Variants in LHPP observed in about 807,000 individuals in gnomAD.
LHPP encodes the protein hLHPP.
In LHPP, 24 loss-of-function variants were observed where a neutral mutation model predicts 30.3. That is an observed-to-expected ratio of 0.79 (90% CI 0.57 to 1.11). LHPP has a LOEUF of 1.11. LHPP is among the 50% of genes most tolerant of loss of function. LHPP has a pLI of 0.00. For missense variants in LHPP, 356 were observed against 367.2 expected (o/e 0.97, Z 0.25); for synonymous variants, 150 against 157.1 (o/e 0.95, Z 0.34).
chr10:124,470,330 GGAA>G (rs1441868401), intron 1 of LHPP, among the ~76,000 whole-genome samples: 9 of 152,268 alleles, frequency 5.9e-5, no homozygotes, highest in African/African-American at 2.2e-4. Flanking sequence ...GCCGGCGGAA[GGAA>G]GAAGACTTGG....
chr10:124,577,130 A>G (rs566495072), intron 6 of LHPP, among the ~76,000 whole-genome samples: 4 of 152,330 alleles, frequency 2.6e-5, no homozygotes, highest in African/African-American at 9.6e-5. Flanking sequence ...GACAGGTTCC[A>G]TAGCCTGCTC....
chr10:124,529,842 T>C (rs578114387), intron 6 of LHPP, among the ~76,000 whole-genome samples: 2 of 149,876 alleles, frequency 1.3e-5, no homozygotes, highest in African/African-American at 2.4e-5. Context: ...CATGCGCACA[T>C]GCACCCACGC....
chr10:124,468,675 A>T (rs1952633800), intron 1 of LHPP, among the ~76,000 whole-genome samples: 1 of 152,192 alleles, frequency 6.6e-6, no homozygotes. Context: ...TCCAGCACCC[A>T]CAAACCTGTT....
At chr10:124,605,746 G>A (rs886820543) in intron 6 of LHPP, among the ~76,000 whole-genome samples, 1 of 152,034 alleles carries the variant, frequency 6.6e-6, no homozygotes, top group African/African-American at 2.4e-5. Flanking sequence ...GGGAGCCACA[G>A]CAGTTTACAC....
chr10:124,587,281 C>T (rs1354070687), intron 6 of LHPP, among the ~76,000 whole-genome samples: 1 of 151,658 alleles, frequency 6.6e-6, no homozygotes, highest in Non-Finnish European at 1.5e-5. Context: ...GTGATCCGCC[C>T]GCCTCAGCCT....
At chr10:124,613,050 G>A (rs1949222167) in intron 6 of LHPP, 2 of 589,280 alleles carry the variant, frequency 3.4e-6, no homozygotes, top group South Asian at 2.0e-5. Flanking sequence ...TTGGGGAGGT[G>A]TCCAGGTTGA....
intron 6 of LHPP, among the ~76,000 whole-genome samples, chr10:124,525,661 C>T (rs1163977756): frequency 1.3e-5 from 2 of 152,198 alleles, no homozygotes; most frequent in African/African-American, 4.8e-5. Flanking sequence ...CAGGGGCAGA[C>T]ACCCCATCGT....
chr10:124,528,950 T>C (rs901113668), intron 6 of LHPP, among the ~76,000 whole-genome samples: 2 of 151,856 alleles, frequency 1.3e-5, no homozygotes, highest in South Asian at 4.1e-4. Flanking sequence ...GGCCACCACA[T>C]AACACTTTTG....
At chr10:124,472,992 C>CT (rs959333587) in intron 1 of LHPP, among the ~76,000 whole-genome samples, 1 of 152,204 alleles carries the variant, frequency 6.6e-6, no homozygotes, top group Admixed American at 6.5e-5. Context: ...TGCTTGAAAG[C>CT]TTTCCCGTGG....
rs1020242813 is a variant in LHPP, at chr10:124,593,474, C to T, written c.717-19790C>T. Among the ~76,000 whole-genome samples the T allele has an allele frequency of 6.6e-6, 1 of 152,202 alleles. No homozygotes were observed. The highest frequency in any genetic ancestry group is 1.5e-5 in the Non-Finnish European group (1 of 68,034). ...TTGGGGGATCACTCTTGTTTCCCTG[C>T]AGTTGTTTCCAGCATTAGAGTCACA... On this transcript the variant is annotated intron_variant, in intron 6 of 6. Transcript: ENST00000368842. The surrounding 1 kb of genome is among the most constrained non-coding windows in gnomAD (Gnocchi z 4.9).
intron 1 of LHPP, among the ~76,000 whole-genome samples, chr10:124,475,371 C>A (rs1040015705): frequency 6.6e-6 from 1 of 151,756 alleles, no homozygotes; most frequent in Admixed American, 6.5e-5. Context: ...GAAACCCCAT[C>A]TCTACTAAAA....
intron 1 of LHPP, among the ~76,000 whole-genome samples, chr10:124,466,377 G>A (rs1238377936): frequency 6.6e-6 from 1 of 152,206 alleles, no homozygotes; most frequent in Non-Finnish European, 1.5e-5. Context: ...AGAGCTGGAG[G>A]ATAAGGAAAG....
Position 124,541,900 on chromosome 10 carries a change from A to G in LHPP, c.716+24629A>G, listed in dbSNP as rs376009041. Among the ~76,000 whole-genome samples the G allele has an allele frequency of 2.0e-3, 301 of 151,938 alleles. 9 individuals are homozygous for G. In the South Asian group the frequency reaches 0.06, roughly 30 times the overall value. On this transcript the variant is annotated intron_variant, in intron 6 of 6. Coordinates refer to ENST00000368842, the MANE Select transcript of LHPP (RefSeq NM_022126.4). The surrounding 1 kb of genome is among the most constrained non-coding windows in gnomAD (Gnocchi z 4.2). ...CAAGGGTGCTGCCTCCCCAGCTCCT[A>G]CCTGGGGAGATGCTGACATCTGGTC... is the stretch of plus-strand genomic sequence containing the variant.
chr10:124,502,156 T>G (rs941488073), intron 5 of LHPP, among the ~76,000 whole-genome samples: 1 of 151,928 alleles, frequency 6.6e-6, no homozygotes, highest in African/African-American at 2.4e-5. Flanking sequence ...CGAGCAGTGA[T>G]AAAACCGGGA....
intron 6 of LHPP, among the ~76,000 whole-genome samples, chr10:124,562,744 C>T (rs936491729): frequency 5.9e-5 from 9 of 152,108 alleles, no homozygotes; most frequent in South Asian, 2.1e-4. Flanking sequence ...ACAGCCTGGC[C>T]AACATGGCAA....
chr10:124,499,687 C>G (rs1181361925), intron 5 of LHPP, among the ~76,000 whole-genome samples: 1 of 151,872 alleles, frequency 6.6e-6, no homozygotes, highest in Non-Finnish European at 1.5e-5. Context: ...GAGTCCACAG[C>G]TGCCCCAGGC....
At chr10:124,488,947 G>A (rs1370346362) in intron 3 of LHPP, among the ~76,000 whole-genome samples, 1 of 152,168 alleles carries the variant, frequency 6.6e-6, no homozygotes, top group Non-Finnish European at 1.5e-5. Context: ...GGGTGTTGGA[G>A]AATGCTCTCA....
intron 3 of LHPP, among the ~76,000 whole-genome samples, chr10:124,492,244 G>A (rs1953554525): frequency 6.8e-6 from 1 of 147,440 alleles, no homozygotes; most frequent in Non-Finnish European, 1.5e-5. Flanking sequence ...AAATGGACAA[G>A]TGAAAGATGT....
intron 6 of LHPP, among the ~76,000 whole-genome samples, chr10:124,572,815 G>A (rs986735947): frequency 6.6e-6 from 1 of 152,218 alleles, no homozygotes; most frequent in Non-Finnish European, 1.5e-5. Context: ...TTTCATCACT[G>A]CACTTGGCAG....
Sources: gnomAD v4.1 joint callset for allele counts (sites outside exome capture counted in the v4.1 genomes callset) on GRCh38, gnomAD v4.1.1 for gene constraint, Gnocchi (gnomAD v3.1) non-coding constraint, MANE v1.5 for transcripts, NCBI Gene and HGNC (gene_info 2026-07-23, HGNC 2026-07-21) for gene names.